The following MACROD1 variants were observed in gnomAD, a reference collection of about 807,000 sequenced individuals.
MACROD1 encodes mono-ADP ribosylhydrolase 1, also known as ADP-ribose glycohydrolase MACROD1.
A neutral mutation model predicts 41.4 loss-of-function variants in MACROD1; 31 were observed. The ratio of observed to expected loss-of-function variants is 0.75; its 90% CI spans 0.56 to 1.01. The LOEUF (loss-of-function observed/expected upper bound fraction) is 1.01. MACROD1 is among the 50% of genes least tolerant of loss of function. The probability of loss-of-function intolerance (pLI) is 0.00; values close to 1 mark genes in which losing one functional copy is unlikely to be tolerated. For synonymous variants in MACROD1, 252 were observed against 203.4 expected (o/e 1.24, Z -2.03); for missense variants, 473 against 460.0 (o/e 1.03, Z -0.26).
At chr11:64,001,929 T>G in intron 4 of MACROD1, 1 of 603,194 alleles carries the variant, frequency 1.7e-6, no homozygotes, top group South Asian at 1.9e-5. Context: ...CCTCTCTGGG[T>G]CTCAGTTGCT....
At position 64,072,486 on chromosome 11, in the gene MACROD1, A is replaced by G. The variant is rs137925835; in HGVS notation, c.518-57205T>C. Among the ~76,000 whole-genome samples, 32 of 152,348 alleles carry G rather than the reference A, an allele frequency of 2.1e-4. 1 individual carries two copies. The East Asian group carries it at 4.0e-3, about 19-fold the overall frequency. On this transcript the variant is annotated intron_variant, in intron 3 of 10. Transcript: ENST00000255681. The stretch of plus-strand genomic sequence containing the variant: ...ATATGAAACGTACATGTGGCATTCC[A>G]TAAGTTACGAGCATGATGATAAACC...
chr11:64,117,321 G>A (rs34660800), intron 3 of MACROD1: 2 of 1,614,126 alleles, frequency 1.2e-6, no homozygotes, highest in Non-Finnish European at 1.7e-6. Flanking sequence ...CGTGGTCAAC[G>A]TGCGGGGCCT....
intron 3 of MACROD1, among the ~76,000 whole-genome samples, chr11:64,048,402 G>T (rs893376292): frequency 6.6e-6 from 1 of 152,214 alleles, no homozygotes; most frequent in African/African-American, 2.4e-5. Context: ...GCCTCCCGGG[G>T]AGGGTCTGCC....
intron 3 of MACROD1, among the ~76,000 whole-genome samples, chr11:64,048,053 G>A (rs761224888): frequency 1.3e-5 from 2 of 152,128 alleles, no homozygotes; most frequent in African/African-American, 4.8e-5. Context: ...GGCCCTGCCC[G>A]CCTGAGGCCC....
intron 3 of MACROD1, among the ~76,000 whole-genome samples, chr11:64,108,301 G>A (rs1328398772): frequency 6.1e-5 from 9 of 146,408 alleles, no homozygotes; most frequent in African/African-American, 2.3e-4. Flanking sequence ...CAACAAGAGC[G>A]AAACTCTGTC....
Position 64,000,303 on chromosome 11 carries a change from G to C in MACROD1, c.588C>G (p.Thr196=). The C allele has an allele frequency of 9.4e-6, 15 of 1,595,718 alleles. No individual in the cohort carries two copies. The highest frequency in any genetic ancestry group is 1.3e-5 in the Non-Finnish European group (15 of 1,171,956). The change falls in exon 5 of 11, where the codon ACC becomes ACG. Residue 196 remains threonine, a synonymous_variant. Transcript: ENST00000255681. ...CIHRAAGPLL[T]DECRTLQSCK... ...AGCTCTGCAGGGTCCGGCACTCGTC[G>C]GTAAGCAGGGGGCCGGCGGCCCGAT...
At chr11:64,159,440 G>A (rs1476192086) in intron 1 of MACROD1, among the ~76,000 whole-genome samples, 2 of 152,150 alleles carry the variant, frequency 1.3e-5, no homozygotes. Flanking sequence ...AGGCTGCAGT[G>A]AGCCAAGATA....
In MACROD1 at chr11:64,120,949, CT is replaced by C. The variant is rs1246985674; in HGVS notation, c.517+30289del. On this transcript the variant is annotated intron_variant, in intron 3 of 10. Coordinates refer to ENST00000255681, the MANE Select transcript of MACROD1 (RefSeq NM_014067.4). This position sits in a 1 kb window ranked among gnomAD's most constrained non-coding sequence, Gnocchi z 4.5. ...CTGTCCCCACCTCACCTAGGTCCCCCTGTCTCCTCTCCCCACCCTAGACAGG... is the reference window on the plus strand; with the variant it reads ...CTGTCCCCACCTCACCTAGGTCCCCCGTCTCCTCTCCCCACCCTAGACAGG... Among the ~76,000 whole-genome samples, 2 of 152,042 alleles carry C rather than the reference CT, an allele frequency of 1.3e-5. No homozygotes were observed. Among genetic ancestry groups the C allele is most frequent in the African/African-American group, 2.4e-5 (1 of 41,452 alleles).
At chr11:64,047,424 G>T (rs1211731119) in intron 3 of MACROD1, among the ~76,000 whole-genome samples, 1 of 152,148 alleles carries the variant, frequency 6.6e-6, no homozygotes, top group Non-Finnish European at 1.5e-5. Context: ...ATGCCATGGG[G>T]TCCCTGTCCT....
chr11:64,109,501 G>T (rs991955611), intron 3 of MACROD1, among the ~76,000 whole-genome samples: 1 of 152,324 alleles, frequency 6.6e-6, no homozygotes, highest in East Asian at 1.9e-4. Flanking sequence ...GGCTGCAGAG[G>T]GGGTGGAAAG....
chr11:64,151,666 G>C (rs918344919), intron 2 of MACROD1, among the ~76,000 whole-genome samples: 3 of 152,130 alleles, frequency 2.0e-5, no homozygotes, highest in Non-Finnish European at 4.4e-5. Flanking sequence ...TAGGGTTATG[G>C]GTCACCAGGC....
chr11:64,159,246 AAGGCGG>A (rs1945715829), intron 1 of MACROD1, among the ~76,000 whole-genome samples: 1 of 149,666 alleles, frequency 6.7e-6, no homozygotes, highest in African/African-American at 2.5e-5. Context: ...TTGAACCCAG[AAGGCGG>A]AGGTTGCAGC....
At chr11:64,024,417 G>C (rs1423965860) in intron 3 of MACROD1, among the ~76,000 whole-genome samples, 3 of 152,208 alleles carry the variant, frequency 2.0e-5, no homozygotes, top group African/African-American at 7.2e-5. Context: ...GGTTCGCAGA[G>C]GCTGAGTGAC....
Position 64,143,743 on chromosome 11 carries a change from G to GACACACAC in MACROD1, c.517+7488_517+7495dup, listed in dbSNP as rs1355483787. ...GGAGGTATTCCCTTCCCCCAACCCC[G>GACACACAC]ACACACACATACACACACACACACA... On this transcript the variant is annotated intron_variant, in intron 3 of 10. Coordinates refer to ENST00000255681, the MANE Select transcript of MACROD1 (RefSeq NM_014067.4). Among the ~76,000 whole-genome samples the GACACACAC allele has an allele frequency of 1.1e-3, 78 of 71,484 alleles. 2 individuals are homozygous for GACACACAC. Among genetic ancestry groups the GACACACAC allele is most frequent in the African/African-American group, 5.3e-3 (60 of 11,238 alleles). The allele number at this position is 71,484 out of a possible 152,430, so 46.9% of individuals were successfully genotyped here.
chr11:64,101,884 C>G (rs1944677162), intron 3 of MACROD1, among the ~76,000 whole-genome samples: 3 of 152,276 alleles, frequency 2.0e-5, no homozygotes, highest in South Asian at 4.1e-4. Context: ...AAAACTCCCC[C>G]TGCCACCCTG....
chr11:64,022,673 G>A (rs1453145542), intron 3 of MACROD1, among the ~76,000 whole-genome samples: 2 of 152,158 alleles, frequency 1.3e-5, no homozygotes, highest in Non-Finnish European at 2.9e-5. Context: ...AGCTGTGAGA[G>A]CAGTTGCTTG....
intron 3 of MACROD1, among the ~76,000 whole-genome samples, chr11:64,086,665 G>A (rs1334190989): frequency 6.6e-6 from 1 of 152,174 alleles, no homozygotes; most frequent in Non-Finnish European, 1.5e-5. Context: ...ATGCTCCAGG[G>A]ACTCACATCA....
chr11:64,072,968 C>CCTGT (rs1944136000), intron 3 of MACROD1, among the ~76,000 whole-genome samples: 1 of 152,206 alleles, frequency 6.6e-6, no homozygotes, highest in South Asian at 2.1e-4. Context: ...TTCTAACTGC[C>CCTGT]CTGTCTTCTG....
At chr11:64,116,514 G>A (rs767199910) in intron 3 of MACROD1, 5 of 1,613,542 alleles carry the variant, frequency 3.1e-6, no homozygotes, top group East Asian at 4.5e-5. Flanking sequence ...CCCTGATGAT[G>A]CCACCACCCT....
Sources: allele counts gnomAD v4.1 joint callset (sites outside exome capture counted in the v4.1 genomes callset), GRCh38; gene constraint gnomAD v4.1.1; non-coding constraint Gnocchi (gnomAD v3.1); transcripts MANE v1.5; gene names NCBI Gene and HGNC (gene_info 2026-07-23, HGNC 2026-07-21).